CNTNAP2: variants seen among roughly 807,000 people sequenced by gnomAD.
The protein encoded by CNTNAP2 is contactin-associated protein-like 2.
In CNTNAP2, 98 loss-of-function variants were observed where a neutral mutation model predicts 155.2. The ratio of observed to expected loss-of-function variants is 0.63; its 90% confidence interval spans 0.54 to 0.75. CNTNAP2 has a LOEUF of 0.75. CNTNAP2 is among the 30% of genes least tolerant of loss of function. The probability of loss-of-function intolerance (pLI) is 0.00; values close to 1 mark genes in which losing one functional copy is unlikely to be tolerated. For synonymous variants in CNTNAP2, 651 were observed against 631.2 expected (o/e 1.03, Z -0.47); for missense variants, 1,727 against 1,688.1 (o/e 1.02, Z -0.40).
chr7:147,677,339 T>C (rs1795885427), intron 13 of CNTNAP2, among the ~76,000 whole-genome samples: 2 of 151,934 alleles, frequency 1.3e-5, no homozygotes, highest in African/African-American at 4.8e-5. Flanking sequence ...GGCTCATTTT[T>C]AAATTGAGCT....
At chr7:146,346,908 T>G (rs1330571036) in intron 1 of CNTNAP2, among the ~76,000 whole-genome samples, 1 of 151,988 alleles carries the variant, frequency 6.6e-6, no homozygotes, top group East Asian at 1.9e-4. Flanking sequence ...GAGAATAAGG[T>G]TTTTTTGTTT....
At chr7:147,707,405 A>G (rs1796332168) in intron 13 of CNTNAP2, among the ~76,000 whole-genome samples, 1 of 152,150 alleles carries the variant, frequency 6.6e-6, no homozygotes, top group Non-Finnish European at 1.5e-5. Flanking sequence ...GGTGTCAGTG[A>G]TTTCCTCAGT....
At chr7:146,903,757 C>G (rs1373279467) in intron 3 of CNTNAP2, among the ~76,000 whole-genome samples, 11 of 152,084 alleles carry the variant, frequency 7.2e-5, no homozygotes, top group Admixed American at 7.2e-4. Flanking sequence ...TCAAAGGTTA[C>G]AAAGATTCAG....
At position 146,280,191 on chromosome 7, in the gene CNTNAP2, C is replaced by T. The variant is rs149021579; in HGVS notation, c.97+163218C>T. On this transcript the variant is annotated intron_variant, in intron 1 of 23. Coordinates refer to ENST00000361727, the MANE Select transcript of CNTNAP2 (RefSeq NM_014141.6). Reference sequence around the variant, plus strand: ...ATTCTTGTCCGACCAAATCAGGAAACTCCAAAATTCAGCTAAAATATGACA... The same window carrying T: ...ATTCTTGTCCGACCAAATCAGGAAATTCCAAAATTCAGCTAAAATATGACA... 9.8e-4 allele frequency among the ~76,000 whole-genome samples: 149 copies of T among 152,170 alleles called. 1 individual carries two copies. The highest frequency in any genetic ancestry group is 3.3e-3 in the African/African-American group (136 of 41,520).
intron 23 of CNTNAP2, among the ~76,000 whole-genome samples, chr7:148,414,107 C>A (rs375185968): frequency 1.4e-5 from 2 of 146,342 alleles, no homozygotes; most frequent in African/African-American, 5.1e-5. Context: ...AGTCCCCCCC[C>A]CCCCCCTCAC....
At chr7:148,214,671 A>G (rs561474442) in intron 18 of CNTNAP2, among the ~76,000 whole-genome samples, 151 of 152,208 alleles carry the variant, frequency 9.9e-4, no homozygotes, top group Non-Finnish European at 1.7e-3. Context: ...CCCAGGTTCA[A>G]GTGATTCTCC....
At chr7:146,243,754 T>G (rs1799599804) in intron 1 of CNTNAP2, among the ~76,000 whole-genome samples, 1 of 152,156 alleles carries the variant, frequency 6.6e-6, no homozygotes, top group Admixed American at 6.6e-5. Context: ...TCTCATCAGT[T>G]TAGAATGAGT....
intron 9 of CNTNAP2, among the ~76,000 whole-genome samples, chr7:147,346,480 A>G (rs1256290006): frequency 6.6e-6 from 1 of 152,220 alleles, no homozygotes; most frequent in Non-Finnish European, 1.5e-5. Context: ...AAAGCATTAA[A>G]GTTTATTCAT....
chr7:147,238,865 C>T (rs573130158), intron 8 of CNTNAP2, among the ~76,000 whole-genome samples: 3 of 152,260 alleles, frequency 2.0e-5, no homozygotes, highest in Non-Finnish European at 2.9e-5. Flanking sequence ...CACTAAGTTG[C>T]TGTGTTTCTA....
rs115730597 is a variant in CNTNAP2 at position 146,682,390 on chromosome 7, G to A, written c.98-91881G>A. ...CTCAATAGTTAAGAGGTTTGGAACC[G>A]TTTATAGTAAGGACCATGCTATCAG... On this transcript the variant is annotated intron_variant, in intron 1 of 23. Transcript: ENST00000361727. 5.4e-3 allele frequency among the ~76,000 whole-genome samples: 821 copies of A among 152,192 alleles called. 4 individuals carry two copies. Among genetic ancestry groups the A allele is most frequent in the African/African-American group, 0.019 (783 of 41,522 alleles).
At chr7:148,277,145 C>T (rs888102521) in intron 21 of CNTNAP2, among the ~76,000 whole-genome samples, 5 of 152,110 alleles carry the variant, frequency 3.3e-5, no homozygotes, top group African/African-American at 9.7e-5. Flanking sequence ...CTAGCTTTAG[C>T]ATTCTAATGA....
intron 5 of CNTNAP2, among the ~76,000 whole-genome samples, chr7:147,117,803 A>G (rs1385830354): frequency 6.6e-6 from 1 of 152,182 alleles, no homozygotes; most frequent in African/African-American, 2.4e-5. Flanking sequence ...TACCTTAAAG[A>G]TGTACCCTTG....
chr7:147,041,549 G>A (rs1459320195), intron 3 of CNTNAP2, among the ~76,000 whole-genome samples: 1 of 151,884 alleles, frequency 6.6e-6, no homozygotes, highest in African/African-American at 2.4e-5. Flanking sequence ...GTCCTTCTAT[G>A]CAGCTGAGCT....
At chr7:147,697,268 C>T (rs114116937) in intron 13 of CNTNAP2, among the ~76,000 whole-genome samples, 2,891 of 152,198 alleles carry the variant, frequency 0.019, 92 homozygotes, top group African/African-American at 0.066. Context: ...ATTGTTTATT[C>T]GCTCTGACAT....
At chr7:148,287,582 G>T (rs997236806) in intron 21 of CNTNAP2, among the ~76,000 whole-genome samples, 2 of 152,010 alleles carry the variant, frequency 1.3e-5, no homozygotes, top group Non-Finnish European at 2.9e-5. Flanking sequence ...CTGATTTTCT[G>T]TTGCTATAAC....
At chr7:146,851,655 TGTG>T (rs1161408527) in intron 3 of CNTNAP2, among the ~76,000 whole-genome samples, 2 of 29,316 alleles carry the variant, frequency 6.8e-5, no homozygotes, top group Non-Finnish European at 1.5e-4. Context: ...TTCTTCTGTG[TGTG>T]TGTGTGTGTG....
intron 1 of CNTNAP2, among the ~76,000 whole-genome samples, chr7:146,169,114 C>A (rs959961914): frequency 6.6e-6 from 1 of 152,180 alleles, no homozygotes; most frequent in Non-Finnish European, 1.5e-5. Flanking sequence ...TTATCACTTT[C>A]TACGCTCTGT....
chr7:146,754,332 CAACATAAGGTAG>C (rs1389941529), intron 1 of CNTNAP2, among the ~76,000 whole-genome samples: 1 of 151,716 alleles, frequency 6.6e-6, no homozygotes, highest in Non-Finnish European at 1.5e-5. Context: ...GTAAAAGAAG[CAACATAAGGTAG>C]AACATTTTCC....
At chr7:147,783,194 T>G (rs558688732) in intron 13 of CNTNAP2, among the ~76,000 whole-genome samples, 2 of 152,340 alleles carry the variant, frequency 1.3e-5, no homozygotes, top group East Asian at 3.9e-4. Context: ...ATTGTATGTT[T>G]TAGGTAAGTT....
Sources: gnomAD v4.1 joint callset for allele counts (sites outside exome capture counted in the v4.1 genomes callset) on GRCh38, gnomAD v4.1.1 for gene constraint, MANE v1.5 for transcripts, NCBI Gene and HGNC (gene_info 2026-07-23, HGNC 2026-07-21) for gene names.